The following RAD51AP2 variants were observed in gnomAD, a reference collection of about 807,000 sequenced individuals.
RAD51AP2 encodes the protein RAD51-associated protein 2.
In RAD51AP2, 67 loss-of-function variants were observed where a neutral mutation model predicts 85.5. The ratio of observed to expected loss-of-function variants is 0.78; its 90% CI spans 0.64 to 0.96. The LOEUF (loss-of-function observed/expected upper bound fraction) is 0.96. Among genes scored for constraint, RAD51AP2 ranks in the 40% least tolerant of loss-of-function variants. RAD51AP2 has a pLI of 0.00. For missense variants in RAD51AP2, 1,307 were observed against 1,332.4 expected (o/e 0.98, Z 0.30); for synonymous variants, 474 against 446.5 (o/e 1.06, Z -0.78).
chr2:17,535,935 C>CAAAAA, the RAD51AP2 span, among the ~76,000 whole-genome samples: 176 of 57,202 alleles, frequency 3.1e-3, 2 homozygotes, highest in African/African-American at 4.4e-3. Flanking sequence ...GTAAGAACAC[C>CAAAAA]AAAAAAAAAA....
the RAD51AP2 span, among the ~76,000 whole-genome samples, chr2:17,527,001 A>T: frequency 2.6e-5 from 4 of 152,214 alleles, no homozygotes; most frequent in Admixed American, 2.6e-4. Flanking sequence ...AGGAATGAAC[A>T]CTATAAACTT....
chr2:17,531,994 T>C, the RAD51AP2 span, among the ~76,000 whole-genome samples: 1 of 151,716 alleles, frequency 6.6e-6, no homozygotes, highest in Non-Finnish European at 1.5e-5. Context: ...GGTTTTTGAA[T>C]CCACATCTCT....
rs1465037929 is a variant in RAD51AP2 at position 17,515,380 on chromosome 2, C to T, written c.3036G>A (p.Glu1012=). The T allele has an allele frequency of 2.5e-6, 4 of 1,611,788 alleles. No homozygotes were observed. The highest frequency in any genetic ancestry group is 3.4e-6 in the Non-Finnish European group (4 of 1,179,374). The part of the protein sequence containing the change: ...GENDAEKVKM[E]IEKDLKMVVV... ...CAACCATTTTCAAATCTTTTTCTAT[C>T]TCCATTTTTACCTTCTCAGCATCAT... Residue 1012 remains glutamate (E), a synonymous_variant, in exon 1 of 3, where the codon GAG becomes GAA. Transcript: ENST00000399080.
Position 17,514,100 on chromosome 2 carries a change from TA to T in RAD51AP2, c.3248-9del. The T allele has an allele frequency of 6.7e-7, 1 of 1,484,858 alleles. No individual in the cohort carries two copies. Among genetic ancestry groups the T allele is most frequent in the South Asian group, 1.2e-5 (1 of 86,038 alleles). The allele number at this position is 1,484,858 out of a possible 1,614,324, so 92.0% of individuals were successfully genotyped here. ...GTAAAGGTGTTTCACAATCTGAAAA[TA>T]AAGAGTGATATGTTACAGCAAAAAG... On this transcript the variant is annotated splice_polypyrimidine_tract_variant and intron_variant, in intron 1 of 2. Coordinates refer to ENST00000399080, the MANE Select transcript of RAD51AP2 (RefSeq NM_001099218.3).
At chr2:17,530,445 G>T in the RAD51AP2 span, among the ~76,000 whole-genome samples, 3 of 151,980 alleles carry the variant, frequency 2.0e-5, no homozygotes, top group Non-Finnish European at 4.4e-5. Context: ...GCCAGGTGTG[G>T]TGGCGCATGC....
Position 17,515,706 on chromosome 2 carries a change from T to C in RAD51AP2, c.2710A>G (p.Ser904Gly), listed in dbSNP as rs768028597. The C allele has an allele frequency of 6.2e-7, 1 of 1,603,276 alleles. No homozygotes were observed. Among genetic ancestry groups the C allele is most frequent in the Non-Finnish European group, 8.5e-7 (1 of 1,174,702 alleles). The change falls in exon 1 of 3, where the codon AGT becomes GGT. Residue 904 changes from serine (S) to glycine (G), a missense_variant. This residue lies in a region of RAD51AP2 where 668 missense variants were observed against 671.0 expected (regional missense o/e 1.00). Transcript: ENST00000399080. ...NYVTNTNEYE[S>G]ILPEREIANS... is the part of the protein sequence containing the mutation. ...GCTATCTCCCTTTCTGGCAAAATAC[T>C]CTCATATTCATTTGTATTTGTTACA...
At chr2:17,532,707 T>C in the RAD51AP2 span, among the ~76,000 whole-genome samples, 1 of 152,062 alleles carries the variant, frequency 6.6e-6, no homozygotes, top group African/African-American at 2.4e-5. Flanking sequence ...AAAAACTAGA[T>C]AGATAGATGG....
Position 17,514,033 on chromosome 2 carries a change from ATTC to A in RAD51AP2, c.3304_3306del (p.Glu1102del). 1 of 1,570,524 alleles carries A rather than the reference ATTC, an allele frequency of 6.4e-7. No individual in the cohort carries two copies. Among genetic ancestry groups the A allele is most frequent in the South Asian group, 1.1e-5 (1 of 89,126 alleles). On this transcript the variant is annotated inframe_deletion, in exon 2 of 3. Coordinates refer to ENST00000399080, the MANE Select transcript of RAD51AP2 (RefSeq NM_001099218.3). Reference sequence around the variant, plus strand: ...TTACCTCCTCTCAATAAATAATTAAATTCTTCTTTACATTCATCAGGGAGAAAA... The same window carrying A: ...TTACCTCCTCTCAATAAATAATTAAATTCTTTACATTCATCAGGGAGAAAA...
the RAD51AP2 span, among the ~76,000 whole-genome samples, chr2:17,532,223 A>G: frequency 2.6e-5 from 4 of 152,268 alleles, no homozygotes; most frequent in Admixed American, 1.3e-4. Flanking sequence ...AACAACAAAA[A>G]TGTATTCTCC....
the RAD51AP2 span, among the ~76,000 whole-genome samples, chr2:17,537,259 C>G: frequency 6.6e-6 from 1 of 151,908 alleles, no homozygotes; most frequent in African/African-American, 2.4e-5. Context: ...GAGTTTGAGG[C>G]CACAATAAGC....
At chr2:17,528,806 T>C in the RAD51AP2 span, among the ~76,000 whole-genome samples, 2 of 152,138 alleles carry the variant, frequency 1.3e-5, no homozygotes, top group Non-Finnish European at 2.9e-5. Flanking sequence ...ATTGTACCAC[T>C]GCTCCCCAGC....
At position 17,517,098 on chromosome 2, in the gene RAD51AP2, G is replaced by C. The variant is rs1239279227; in HGVS notation, c.1318C>G (p.Leu440Val). The C allele has an allele frequency of 6.2e-7, 1 of 1,612,092 alleles. No homozygotes were observed. Among genetic ancestry groups the C allele is most frequent in the East Asian group, 2.2e-5 (1 of 44,812 alleles). ...WNWLLLLEID[L>V]LSKEDYHCAK... Reference sequence around the variant, plus strand: ...CAGTGGTAATCTTCCTTGCTTAAAAGGTCTATTTCTAATAATAATAGCCAA... The same window carrying C: ...CAGTGGTAATCTTCCTTGCTTAAAACGTCTATTTCTAATAATAATAGCCAA... The change falls in exon 1 of 3, where the codon CTT (leucine) becomes GTT (valine). Residue 440 changes from leucine to valine, a missense_variant. Transcript: ENST00000399080.
the RAD51AP2 span, among the ~76,000 whole-genome samples, chr2:17,527,172 T>G: frequency 6.6e-6 from 1 of 152,312 alleles, no homozygotes; most frequent in African/African-American, 2.4e-5. Flanking sequence ...TGTGTTCATT[T>G]TGTGATAATT....
At chr2:17,529,929 C>T in the RAD51AP2 span, among the ~76,000 whole-genome samples, 175 of 152,244 alleles carry the variant, frequency 1.1e-3, no homozygotes, top group Non-Finnish European at 2.0e-3. Flanking sequence ...TCACTTTTGT[C>T]TGGACATGCT....
chr2:17,527,562 C>T, the RAD51AP2 span, among the ~76,000 whole-genome samples: 1 of 152,024 alleles, frequency 6.6e-6, no homozygotes, highest in Non-Finnish European at 1.5e-5. Flanking sequence ...ATGTTAAGAA[C>T]CTGTATTGTA....
chr2:17,525,785 C>G, the RAD51AP2 span, among the ~76,000 whole-genome samples: 1 of 152,000 alleles, frequency 6.6e-6, no homozygotes, highest in South Asian at 2.1e-4. Context: ...TAAAAGTTAT[C>G]TGGCCTGCAC....
Position 17,516,988 on chromosome 2 carries a change from A to C in RAD51AP2, c.1428T>G (p.Thr476=). 1 of 1,597,838 alleles carries C rather than the reference A, an allele frequency of 6.3e-7. No homozygotes were observed. Among genetic ancestry groups the C allele is most frequent in the Non-Finnish European group, 8.5e-7 (1 of 1,175,618 alleles). The change falls in exon 1 of 3, where the codon ACT becomes ACG. Residue 476 remains threonine, a synonymous_variant. Transcript: ENST00000399080. ...ILGSQTALIT[T]VWLNGKGEND... ...TTTCTCCTTTACCATTTAGCCAAAC[A>C]GTCGTTATTAAAGCTGTCTGACTAC...
At chr2:17,521,733 A>T (rs62130423), upstream of RAD51AP2, among the ~76,000 whole-genome samples, 4,477 of 152,138 alleles carry the variant, frequency 0.029, 66 homozygotes, top group Middle Eastern at 0.055. Context: ...AACATAAATA[A>T]CATCTTAAAT....
At position 17,516,862 on chromosome 2, in the gene RAD51AP2, T is replaced by G; in HGVS notation, c.1554A>C (p.Lys518Asn). The G allele has an allele frequency of 6.4e-7, 1 of 1,555,888 alleles. No individual in the cohort carries two copies. Among genetic ancestry groups the G allele is most frequent in the South Asian group, 1.2e-5 (1 of 82,706 alleles). Residue 518 changes from lysine (K) to asparagine (N), a missense_variant, in exon 1 of 3, where the codon AAA becomes AAC. By Grantham distance (94) the Lys-to-Asn change is moderately conservative. Around this residue, in one of 3 missense-constraint regions of RAD51AP2, gnomAD observed 635 missense variants for 643.6 expected, o/e 0.99. Coordinates refer to ENST00000399080, the MANE Select transcript of RAD51AP2 (RefSeq NM_001099218.3). ...SFIIEIFYFH[K>N]SISGNKKDNS... ...TATCTTTTTTATTTCCTGAAATACTTTTATGGAAATAAAAAATTTCTATAA... is the reference window on the plus strand; with the variant it reads ...TATCTTTTTTATTTCCTGAAATACTGTTATGGAAATAAAAAATTTCTATAA...
Sources: gnomAD v4.1 joint callset for allele counts (sites outside exome capture counted in the v4.1 genomes callset) on GRCh38, gnomAD v4.1.1 for gene constraint, gnomAD v4.1.1 regional missense constraint, MANE v1.5 for transcripts, NCBI Gene and HGNC (gene_info 2026-07-23, HGNC 2026-07-21) for gene names.